The following NCKAP5 variants were observed in gnomAD, a reference collection of about 807,000 sequenced individuals.
The protein encoded by NCKAP5 is NCK associated protein 5.
Under a neutral mutation model 167.0 loss-of-function variants are expected in NCKAP5, and 92 were observed. The observed-to-expected ratio is 0.55, with a 90% confidence interval of 0.47 to 0.66. The LOEUF is 0.66. Among genes scored for constraint, NCKAP5 ranks in the 30% least tolerant of loss-of-function variants. The pLI, the probability that NCKAP5 is intolerant of heterozygous loss-of-function variation, is 0.00. For missense variants in NCKAP5, 2,378 were observed against 2,315.0 expected (o/e 1.03, Z -0.56); for synonymous variants, 891 against 877.4 (o/e 1.02, Z -0.27).
At chr2:132,795,685 G>A (rs965207456) in intron 12 of NCKAP5, among the ~76,000 whole-genome samples, 4 of 151,920 alleles carry the variant, frequency 2.6e-5, no homozygotes, top group African/African-American at 4.8e-5. Context: ...TGGGTGTGGC[G>A]GCGGGCGCCT....
At chr2:133,045,108 G>T (rs1415970908) in intron 6 of NCKAP5, among the ~76,000 whole-genome samples, 1 of 151,366 alleles carries the variant, frequency 6.6e-6, no homozygotes, top group Non-Finnish European at 1.5e-5. Flanking sequence ...TAAGAAAAGA[G>T]AAAATGAGAA....
chr2:132,825,185 C>A (rs528795832), intron 11 of NCKAP5, among the ~76,000 whole-genome samples: 14 of 152,260 alleles, frequency 9.2e-5, no homozygotes, highest in African/African-American at 2.6e-4. Context: ...CCTCGTACTG[C>A]CCACAGGACA....
chr2:132,694,320 T>C (rs1250347280), intron 19 of NCKAP5, among the ~76,000 whole-genome samples: 2 of 152,112 alleles, frequency 1.3e-5, no homozygotes, highest in Admixed American at 1.3e-4. Context: ...CAGGAAGCGA[T>C]GAAACGCAGC....
chr2:132,677,404 A>G (rs1312936193), intron 19 of NCKAP5, among the ~76,000 whole-genome samples: 2 of 152,208 alleles, frequency 1.3e-5, no homozygotes, highest in African/African-American at 2.4e-5. Flanking sequence ...TCTCTTGAGA[A>G]TTAGACCTTT....
At chr2:133,386,492 T>C (rs56410092) in intron 3 of NCKAP5, among the ~76,000 whole-genome samples, 12,557 of 152,178 alleles carry the variant, frequency 0.083, 682 homozygotes, top group South Asian at 0.16. Flanking sequence ...TTGGAATAGG[T>C]GTGGTGTGGT....
At chr2:132,763,499 C>T (rs1681186621) in intron 16 of NCKAP5, among the ~76,000 whole-genome samples, 2 of 152,228 alleles carry the variant, frequency 1.3e-5, no homozygotes, top group African/African-American at 4.8e-5. Context: ...TCTTCAAGAA[C>T]TACAAATGCT....
chr2:133,616,183 C>A, the NCKAP5 span, among the ~76,000 whole-genome samples: 1 of 150,358 alleles, frequency 6.7e-6, no homozygotes. Flanking sequence ...GCACTAAATG[C>A]CCACAAGAGA....
intron 10 of NCKAP5, among the ~76,000 whole-genome samples, chr2:132,867,323 C>T (rs901202461): frequency 1.2e-4 from 19 of 152,092 alleles, no homozygotes; most frequent in African/African-American, 3.4e-4. Flanking sequence ...AGGAGAAAAA[C>T]AATCGAGAAA....
At chr2:132,916,096 A>G (rs1487025882) in intron 8 of NCKAP5, among the ~76,000 whole-genome samples, 1 of 152,062 alleles carries the variant, frequency 6.6e-6, no homozygotes, top group Non-Finnish European at 1.5e-5. Flanking sequence ...GGCAATGCTC[A>G]GAGAAATTGA....
rs529788269 is a variant in NCKAP5 at position 133,192,817 on chromosome 2, T to C, written c.207+20899A>G. On this transcript the variant is annotated intron_variant, in intron 5 of 19. Coordinates refer to ENST00000409261, the MANE Select transcript of NCKAP5 (RefSeq NM_207363.3). ...ATACATTGTTGGTAGGAATGTCAAG[T>C]GGTACAGCTGCTCTGGAAAGTTAAG... is the stretch of plus-strand genomic sequence containing the variant. 4.6e-5 allele frequency among the ~76,000 whole-genome samples: 7 copies of C among 152,212 alleles called. No individual in the cohort carries two copies. The South Asian group carries it at 1.4e-3, about 32-fold the overall frequency.
chr2:133,513,694 T>C (rs998026083), intron 3 of NCKAP5, among the ~76,000 whole-genome samples: 2 of 152,208 alleles, frequency 1.3e-5, no homozygotes, highest in Non-Finnish European at 2.9e-5. Context: ...TACAAGCTTA[T>C]AAAACTATAC....
rs576447195 is a variant in NCKAP5, at chr2:133,440,782, G to C, written c.69+76676C>G. On this transcript the variant is annotated intron_variant, in intron 3 of 19. Transcript: ENST00000409261. ...AGGCAATGGAGTATGGTGCTCATTG[G>C]CTTGGGGATCCTCCATCAGACTGCC... is the stretch of plus-strand genomic sequence containing the variant. Among the ~76,000 whole-genome samples, 505 of 150,874 alleles carry C rather than the reference G, an allele frequency of 3.3e-3. 6 individuals are homozygous for C. Among genetic ancestry groups the C allele is most frequent in the African/African-American group, 0.011 (445 of 41,014 alleles).
At chr2:132,984,286 C>T (rs1223512006) in intron 7 of NCKAP5, among the ~76,000 whole-genome samples, 1 of 152,142 alleles carries the variant, frequency 6.6e-6, no homozygotes, top group Non-Finnish European at 1.5e-5. Flanking sequence ...TGGGTTGAGG[C>T]CCAGGTGGGT....
chr2:132,906,846 T>C (rs1694044406), intron 8 of NCKAP5, among the ~76,000 whole-genome samples: 1 of 152,196 alleles, frequency 6.6e-6, no homozygotes, highest in African/African-American at 2.4e-5. Context: ...GTCATGGACC[T>C]CAGGAGTTTG....
At chr2:133,355,609 TC>T (rs1250188574) in intron 3 of NCKAP5, among the ~76,000 whole-genome samples, 8 of 152,136 alleles carry the variant, frequency 5.3e-5, no homozygotes, top group Non-Finnish European at 1.0e-4. Flanking sequence ...CTTTTTTTTT[TC>T]TTTTTGTATA....
intron 3 of NCKAP5, among the ~76,000 whole-genome samples, chr2:133,468,664 T>C (rs987728917): frequency 5.3e-5 from 8 of 152,220 alleles, no homozygotes; most frequent in Admixed American, 2.6e-4. Context: ...TGTAGGTCAC[T>C]CAGGAGTTGC....
intron 6 of NCKAP5, among the ~76,000 whole-genome samples, chr2:133,115,543 G>T (rs1338588039): frequency 6.6e-6 from 1 of 151,858 alleles, no homozygotes; most frequent in Non-Finnish European, 1.5e-5. Flanking sequence ...TATTAAACAT[G>T]TAAGTATTTA....
chr2:132,852,198 C>G (rs1001884773), intron 11 of NCKAP5, among the ~76,000 whole-genome samples: 1 of 152,126 alleles, frequency 6.6e-6, no homozygotes, highest in African/African-American at 2.4e-5. Context: ...ACATTTACTG[C>G]ACAAAATTTA....
chr2:133,415,352 G>A (rs17745851), intron 3 of NCKAP5, among the ~76,000 whole-genome samples: 30,955 of 152,220 alleles, frequency 0.2, 3,213 homozygotes, highest in African/African-American at 0.24. Flanking sequence ...AGTAATGGCT[G>A]TGACATCCAA....
Sources: gnomAD v4.1 joint callset for allele counts (sites outside exome capture counted in the v4.1 genomes callset) on GRCh38, gnomAD v4.1.1 for gene constraint, MANE v1.5 for transcripts, NCBI Gene and HGNC (gene_info 2026-07-23, HGNC 2026-07-21) for gene names.